The following COL27A1 variants were observed in gnomAD, a reference collection of about 807,000 sequenced individuals.
COL27A1 encodes the protein collagen type XXVII alpha 1 chain.
A neutral mutation model predicts 251.3 loss-of-function variants in COL27A1; 106 were observed. That is an observed-to-expected ratio of 0.42 (90% CI 0.36 to 0.50). COL27A1 has a LOEUF of 0.50. Ranked by LOEUF, COL27A1 falls within the 20% of genes least tolerant of loss-of-function variation. The probability of loss-of-function intolerance (pLI) is 0.00; values close to 1 mark genes in which losing one functional copy is unlikely to be tolerated. For synonymous variants in COL27A1, 1,000 were observed against 986.3 expected, an observed-to-expected ratio of 1.01 and a Z score of -0.26; for missense variants, 2,325 against 2,522.8, an observed-to-expected ratio of 0.92 and a Z score of 1.68.
intron 14 of COL27A1, among the ~76,000 whole-genome samples, chr9:114,228,320 T>A (rs1831659487): frequency 6.6e-6 from 1 of 152,234 alleles, no homozygotes; most frequent in Non-Finnish European, 1.5e-5. Flanking sequence ...CCGCCCTGCC[T>A]GGCCCCCGGC....
chr9:114,289,146 A>ACCCCCCCC, intron 44 of COL27A1, 96 bp from the exon 45 acceptor site: 1 of 1,126,998 alleles, frequency 8.9e-7, no homozygotes, highest in Non-Finnish European at 1.3e-6. Context: ...GCACCCCCAA[A>ACCCCCCCC]CCCCTCCCCA....
At chr9:114,305,977 C>T (rs997630469) in intron 57 of COL27A1, among the ~76,000 whole-genome samples, 6 of 152,264 alleles carry the variant, frequency 3.9e-5, no homozygotes, top group East Asian at 3.9e-4. Context: ...CCTGAATGGC[C>T]GGCTGTTTAG....
In COL27A1 at chr9:114,167,871, T is replaced by C. The variant is rs1302067725; in HGVS notation, c.316T>C (p.Ser106Pro). 6.2e-7 allele frequency: 1 copy of C among 1,613,264 alleles called. No homozygotes were observed. Among genetic ancestry groups the C allele is most frequent in the Non-Finnish European group, 8.5e-7 (1 of 1,179,946 alleles). The stretch of plus-strand genomic sequence containing the variant: ...GCTGGCACTGGTGCTGAGCCTCTGC[T>C]CCCACCGGGTGAACCATGCCTTCCT... ...TELALVLSLC[S>P]HRVNHAFLFA... Residue 106 changes from serine to proline, a missense_variant, in exon 3 of 61, where the codon TCC becomes CCC. This residue lies in a region of COL27A1 where 1,183 missense variants were observed against 1,144.1 expected (regional missense o/e 1.03). Transcript: ENST00000356083.
At chr9:114,301,238 G>C (rs373580018) in intron 52 of COL27A1, 46 bp from the exon 53 acceptor site, 1 of 1,610,636 alleles carries the variant, frequency 6.2e-7, no homozygotes. Context: ...CTGGAAATGG[G>C]GCTTCACCTC....
At chr9:114,254,673 C>T (rs1833807165) in intron 27 of COL27A1, among the ~76,000 whole-genome samples, 1 of 152,146 alleles carries the variant, frequency 6.6e-6, no homozygotes, top group Non-Finnish European at 1.5e-5. Flanking sequence ...GGCCCTGAAG[C>T]CTTTCATGGT....
intron 5 of COL27A1, among the ~76,000 whole-genome samples, chr9:114,185,049 A>G (rs905504463): frequency 5.3e-5 from 8 of 152,120 alleles, no homozygotes; most frequent in African/African-American, 1.4e-4. Context: ...AGCACTGTGG[A>G]ACCTCAGTAC....
chr9:114,301,966 A>G (rs544603452), intron 55 of COL27A1, 116 bp from the exon 56 acceptor site: 26 of 1,107,302 alleles, frequency 2.3e-5, no homozygotes, highest in Non-Finnish European at 3.3e-5. Flanking sequence ...CCGGGAAAGC[A>G]GAGGCCAGCT....
chr9:114,295,947 T>C (rs1204850449), intron 49 of COL27A1, among the ~76,000 whole-genome samples: 1 of 152,192 alleles, frequency 6.6e-6, no homozygotes, highest in Admixed American at 6.5e-5. Flanking sequence ...ACACCCGGCC[T>C]GGACAACTGA....
intron 7 of COL27A1, among the ~76,000 whole-genome samples, chr9:114,196,735 G>A (rs1056672939): frequency 6.6e-6 from 1 of 152,152 alleles, no homozygotes; most frequent in African/African-American, 2.4e-5. Flanking sequence ...AGCCATGCTG[G>A]GGGAGTTACC....
chr9:114,291,030 G>C (rs1000783775), intron 48 of COL27A1, 113 bp downstream of exon 48: 15 of 696,992 alleles, frequency 2.2e-5, no homozygotes, highest in Non-Finnish European at 3.6e-5. Flanking sequence ...TGAAAATGGA[G>C]TCCACATTGT....
intron 48 of COL27A1, 91 bp from the exon 49 acceptor site, chr9:114,292,012 A>G: frequency 9.0e-7 from 1 of 1,113,388 alleles, no homozygotes; most frequent in Non-Finnish European, 1.3e-6. Flanking sequence ...CTGTGGAATC[A>G]CTGTTCTGGC....
intron 59 of COL27A1, 83 bp from the exon 60 acceptor site, chr9:114,309,177 C>T (rs1427746016): frequency 1.8e-6 from 2 of 1,098,436 alleles, no homozygotes; most frequent in Admixed American, 1.7e-5. Flanking sequence ...TATCCCTGTT[C>T]CCTCCATAGA....
intron 28 of COL27A1, among the ~76,000 whole-genome samples, chr9:114,260,964 C>A (rs1177861045): frequency 6.6e-6 from 1 of 152,202 alleles, no homozygotes; most frequent in Non-Finnish European, 1.5e-5. Flanking sequence ...CTTAGCAGAC[C>A]TTACCCAAAT....
chr9:114,307,934 T>A (rs1218668678), intron 59 of COL27A1, among the ~76,000 whole-genome samples, 156 bp downstream of exon 59: 2 of 152,214 alleles, frequency 1.3e-5, no homozygotes, highest in Non-Finnish European at 2.9e-5. Flanking sequence ...AGTTTCCTTA[T>A]CTATAAATTG....
At position 114,196,420 on chromosome 9, in the gene COL27A1, A is replaced by G. The variant is rs113416910; in HGVS notation, c.2124+408A>G. Reference sequence around the variant, plus strand: ...TCTCTGCCCCTCAGCCTCCTCCTACATGAGATGGAGACAATGATCCCCGTC... The same window carrying G: ...TCTCTGCCCCTCAGCCTCCTCCTACGTGAGATGGAGACAATGATCCCCGTC... On this transcript the variant is annotated intron_variant, in intron 7 of 60. Coordinates refer to ENST00000356083, the MANE Select transcript of COL27A1 (RefSeq NM_032888.4). 3.3e-3 allele frequency among the ~76,000 whole-genome samples: 498 copies of G among 152,224 alleles called. 5 individuals are homozygous for G. The highest frequency in any genetic ancestry group is 0.014 in the South Asian group (69 of 4,820).
At chr9:114,159,672 C>A (rs900636378) in intron 1 of COL27A1, among the ~76,000 whole-genome samples, 6 of 152,190 alleles carry the variant, frequency 3.9e-5, no homozygotes, top group Admixed American at 3.3e-4. Context: ...GTTGTGCTTT[C>A]CGGATTGTCA....
At chr9:114,291,231 G>A (rs1020935427) in intron 48 of COL27A1, among the ~76,000 whole-genome samples, 5 of 152,186 alleles carry the variant, frequency 3.3e-5, no homozygotes, top group Non-Finnish European at 7.3e-5. Context: ...GGATCCCCAA[G>A]GCATCCTTAG....
chr9:114,232,975 G>T (rs1020785978), intron 16 of COL27A1, among the ~76,000 whole-genome samples: 1 of 152,246 alleles, frequency 6.6e-6, no homozygotes, highest in Non-Finnish European at 1.5e-5. Context: ...GGAGGCTGAG[G>T]CAGGAGAATC....
chr9:114,284,682 T>C (rs760129344), intron 40 of COL27A1, 42 bp from the exon 41 acceptor site: 7 of 1,606,792 alleles, frequency 4.4e-6, no homozygotes, highest in Non-Finnish European at 6.0e-6. Flanking sequence ...TTGTCCTTCC[T>C]GAGTCCTCAT....
Sources: allele counts gnomAD v4.1 joint callset (sites outside exome capture counted in the v4.1 genomes callset), GRCh38; gene constraint gnomAD v4.1.1; regional missense constraint gnomAD v4.1.1; transcripts MANE v1.5; gene names NCBI Gene and HGNC (gene_info 2026-07-23, HGNC 2026-07-21).